USP32: variants seen among roughly 807,000 people sequenced by gnomAD.
The protein encoded by USP32 is ubiquitin specific peptidase 32.
USP32 carries 59 observed loss-of-function variants against 204.8 expected under a neutral mutation model. That is an observed-to-expected ratio of 0.29 (90% CI 0.23 to 0.36). USP32 has a LOEUF of 0.36. Among genes scored for constraint, USP32 ranks in the 10% least tolerant of loss-of-function variants. USP32 has a pLI of 1.00. For missense variants in USP32, 1,160 were observed against 1,946.4 expected, an observed-to-expected ratio of 0.60 and a Z score of 7.60; for synonymous variants, 517 against 678.4, an observed-to-expected ratio of 0.76 and a Z score of 3.70.
At chr17:60,216,291 C>CA (rs4047751) in intron 16 of USP32, among the ~76,000 whole-genome samples, 2,531 of 112,336 alleles carry the variant, frequency 0.023, 32 homozygotes, top group Non-Finnish European at 0.036. Context: ...AGAGAGGTGG[C>CA]AAAAAAAAAA....
chr17:60,222,486 C>T lies in USP32; in HGVS notation c.1672G>A (p.Asp558Asn), dbSNP rs774026738. The change falls in exon 15 of 34, where the codon GAC becomes AAC. Residue 558 changes from aspartate to asparagine, a missense_variant. Physicochemically the swap from Asp to Asn is conservative, Grantham distance 23 (BLOSUM62 1). This residue lies in a region of USP32 where 536 missense variants were observed against 680.9 expected (regional missense o/e 0.79). Transcript: ENST00000300896. ...ACAGGTTCTGGGACCATTTCATAGTCTCTTCCATGAATCAGCTGTGGAGTT... is the reference window on the plus strand; with the variant it reads ...ACAGGTTCTGGGACCATTTCATAGTTTCTTCCATGAATCAGCTGTGGAGTT... ...KRTPQLIHGR[D>N]YEMVPEPVWR... is the part of the protein sequence containing the mutation. 6.2e-7 allele frequency: 1 copy of T among 1,614,184 alleles called. No homozygotes were observed. Among genetic ancestry groups the T allele is most frequent in the Non-Finnish European group, 8.5e-7 (1 of 1,180,028 alleles).
intron 2 of USP32, among the ~76,000 whole-genome samples, chr17:60,311,588 C>T (rs556659526): frequency 2.0e-5 from 3 of 152,060 alleles, no homozygotes; most frequent in Non-Finnish European, 2.9e-5. Context: ...TTTGGGAGGC[C>T]GAGGATGGTG....
At chr17:60,399,629 C>G (rs1251261779) in intron 1 of USP32, among the ~76,000 whole-genome samples, 19 of 152,056 alleles carry the variant, frequency 1.2e-4, no homozygotes, top group Admixed American at 1.2e-3. Context: ...CACCACTGCA[C>G]TCCAGCCTGG....
intron 33 of USP32, 44 bp from the exon 34 acceptor site, chr17:60,179,472 A>C (rs1268579602): frequency 6.2e-7 from 1 of 1,605,776 alleles, no homozygotes; most frequent in Admixed American, 1.7e-5. Flanking sequence ...CATCACTACT[A>C]TGGCTCTAAA....
chr17:60,272,650 G>C (rs1350569886), intron 5 of USP32, among the ~76,000 whole-genome samples: 1 of 152,168 alleles, frequency 6.6e-6, no homozygotes, highest in Non-Finnish European at 1.5e-5. Flanking sequence ...AAGCAGCATA[G>C]AACGGTGAAC....
chr17:60,411,836 A>C (rs942773490), intron 1 of USP32, among the ~76,000 whole-genome samples: 1 of 152,182 alleles, frequency 6.6e-6, no homozygotes, highest in Non-Finnish European at 1.5e-5. Context: ...TCTGTGGTTG[A>C]ATAATATTCT....
At chr17:60,379,338 G>GA (rs2089607714) in intron 1 of USP32, among the ~76,000 whole-genome samples, 1 of 152,128 alleles carries the variant, frequency 6.6e-6, no homozygotes, top group Non-Finnish European at 1.5e-5. Context: ...TTGAAAAGCT[G>GA]AAAAATCCAC....
chr17:60,389,308 G>A (rs958938882), intron 1 of USP32, among the ~76,000 whole-genome samples: 1 of 152,136 alleles, frequency 6.6e-6, no homozygotes, highest in African/African-American at 2.4e-5. Flanking sequence ...TTGGAAGGCC[G>A]AGGCTGGTGG....
intron 7 of USP32, among the ~76,000 whole-genome samples, chr17:60,267,317 T>C (rs1044463178): frequency 1.3e-5 from 2 of 151,896 alleles, no homozygotes; most frequent in Middle Eastern, 3.5e-3. Flanking sequence ...TGAGGCAGAA[T>C]TGCTTGAACC....
intron 1 of USP32, among the ~76,000 whole-genome samples, chr17:60,402,791 G>C (rs921681952): frequency 6.6e-6 from 1 of 152,172 alleles, no homozygotes; most frequent in Admixed American, 6.5e-5. Flanking sequence ...TTTAGTGTCA[G>C]CTGCAGTGGC....
At chr17:60,238,631 C>T (rs973776508) in intron 11 of USP32, among the ~76,000 whole-genome samples, 1 of 151,868 alleles carries the variant, frequency 6.6e-6, no homozygotes, top group Non-Finnish European at 1.5e-5. Flanking sequence ...GGTGAAACCC[C>T]GTCTCTACTA....
At chr17:60,290,902 CCTCAAG>C in intron 4 of USP32, among the ~76,000 whole-genome samples, 1 of 152,172 alleles carries the variant, frequency 6.6e-6, no homozygotes, top group Non-Finnish European at 1.5e-5. Flanking sequence ...GGAACTAATC[CCTCAAG>C]CTGTGGGATC....
At chr17:60,315,523 C>T (rs2087952362) in intron 2 of USP32, among the ~76,000 whole-genome samples, 1 of 152,172 alleles carries the variant, frequency 6.6e-6, no homozygotes, top group Admixed American at 6.5e-5. Flanking sequence ...TGGAAAACAG[C>T]CTGGTGGTTC....
At chr17:60,301,446 CTAAT>C (rs2087572355) in intron 3 of USP32, 149 bp downstream of exon 3, 2 of 512,364 alleles carry the variant, frequency 3.9e-6, no homozygotes, top group Middle Eastern at 5.2e-4. Flanking sequence ...TCTCTAATGA[CTAAT>C]TATGTTGCAC....
intron 2 of USP32, among the ~76,000 whole-genome samples, chr17:60,333,551 G>C (rs2088440141): frequency 6.6e-6 from 1 of 152,078 alleles, no homozygotes; most frequent in African/African-American, 2.4e-5. Flanking sequence ...AGTGAGCCAA[G>C]ATTGTGCCAC....
intron 1 of USP32, among the ~76,000 whole-genome samples, chr17:60,387,394 A>G (rs187314985): frequency 6.1e-4 from 93 of 152,300 alleles, no homozygotes; most frequent in African/African-American, 2.1e-3. Flanking sequence ...TTAACACTCA[A>G]TTATTGAGCA....
rs189662632 is a variant in USP32, at chr17:60,257,620, C to T, written c.991-2362G>A. On this transcript the variant is annotated intron_variant, in intron 9 of 33. Transcript: ENST00000300896. Reference sequence around the variant, plus strand: ...TCCTCCAGCCTCAGCCTCCTGACTACAGGCACAGGTTACCAAAACTGGCTT... The same window carrying T: ...TCCTCCAGCCTCAGCCTCCTGACTATAGGCACAGGTTACCAAAACTGGCTT... Among the ~76,000 whole-genome samples the T allele has an allele frequency of 1.3e-3, 201 of 152,184 alleles. 1 individual carries two copies. The highest frequency in any genetic ancestry group is 4.5e-3 in the African/African-American group (188 of 41,522).
chr17:60,191,966 A>G (rs2084393652), intron 28 of USP32, among the ~76,000 whole-genome samples: 1 of 151,470 alleles, frequency 6.6e-6, no homozygotes, highest in African/African-American at 2.5e-5. Flanking sequence ...TCTAGTAAAG[A>G]CTATGGTCTA....
At chr17:60,262,877 C>A (rs1461902600) in intron 9 of USP32, among the ~76,000 whole-genome samples, 1 of 152,158 alleles carries the variant, frequency 6.6e-6, no homozygotes, top group Non-Finnish European at 1.5e-5. Flanking sequence ...CACATCCCAG[C>A]AGAAATCTTC....
Sources: gnomAD v4.1 joint callset for allele counts (sites outside exome capture counted in the v4.1 genomes callset) on GRCh38, gnomAD v4.1.1 for gene constraint, gnomAD v4.1.1 regional missense constraint, MANE v1.5 for transcripts, NCBI Gene and HGNC (gene_info 2026-07-23, HGNC 2026-07-21) for gene names.